Variants in SEMA6D observed in about 807,000 individuals in gnomAD.
SEMA6D encodes the protein semaphorin-6D.
SEMA6D carries 35 observed loss-of-function variants against 106.6 expected under a neutral mutation model. That is an observed-to-expected ratio of 0.33 (90% confidence interval 0.25 to 0.44). The LOEUF (loss-of-function observed/expected upper bound fraction) is 0.44, where lower values mean the gene tolerates loss of function less well. Among genes scored for constraint, SEMA6D ranks in the 20% least tolerant of loss-of-function variants. The probability of loss-of-function intolerance (pLI) is 1.00; values close to 1 mark genes in which losing one functional copy is unlikely to be tolerated. For synonymous variants in SEMA6D, 499 were observed against 487.7 expected (o/e 1.02, Z -0.31); for missense variants, 1,185 against 1,345.9 (o/e 0.88, Z 1.87).
At chr15:47,678,195 C>G (rs914704789) in intron 4 of SEMA6D, among the ~76,000 whole-genome samples, 2 of 152,108 alleles carry the variant, frequency 1.3e-5, no homozygotes, top group Non-Finnish European at 2.9e-5. Context: ...TGCAGTGACT[C>G]TGGGCAGAAG....
chr15:47,734,580 A>T (rs1567044100), intron 1 of SEMA6D, among the ~76,000 whole-genome samples: 1 of 152,136 alleles, frequency 6.6e-6, no homozygotes, highest in African/African-American at 2.4e-5. Flanking sequence ...GAGCCACAGA[A>T]TTTGCGTCTT....
At chr15:47,562,989 C>G (rs1209239791) in intron 3 of SEMA6D, among the ~76,000 whole-genome samples, 1 of 152,128 alleles carries the variant, frequency 6.6e-6, no homozygotes, top group Non-Finnish European at 1.5e-5. Context: ...CAATGGATTA[C>G]ATTCAACAGC....
intron 1 of SEMA6D, among the ~76,000 whole-genome samples, chr15:47,379,058 G>A (rs551034642): frequency 1.2e-4 from 18 of 152,294 alleles, no homozygotes; most frequent in African/African-American, 3.4e-4. Flanking sequence ...TATAACTGCC[G>A]TAACCTGGAA....
chr15:47,359,160 G>A (rs1294050293), intron 1 of SEMA6D, among the ~76,000 whole-genome samples: 2 of 151,968 alleles, frequency 1.3e-5, no homozygotes, highest in Non-Finnish European at 2.9e-5. Flanking sequence ...GTCACTGTGT[G>A]TGTATATATT....
chr15:47,242,466 G>A (rs1333768814), intron 1 of SEMA6D, among the ~76,000 whole-genome samples: 5 of 152,060 alleles, frequency 3.3e-5, no homozygotes, highest in Non-Finnish European at 5.9e-5. Context: ...ATAATACTTT[G>A]TAGACCTGGG....
At chr15:47,689,258 A>T (rs1413949250) in intron 4 of SEMA6D, among the ~76,000 whole-genome samples, 2 of 152,346 alleles carry the variant, frequency 1.3e-5, no homozygotes, top group South Asian at 4.1e-4. Flanking sequence ...TCATTTTTAT[A>T]TGGATAACTG....
chr15:47,445,206 G>T (rs1279836210), intron 2 of SEMA6D, among the ~76,000 whole-genome samples: 1 of 152,156 alleles, frequency 6.6e-6, no homozygotes, highest in South Asian at 2.1e-4. Context: ...ACAGAAGAGG[G>T]GGGTGTGGTG....
intron 3 of SEMA6D, among the ~76,000 whole-genome samples, chr15:47,536,989 A>G (rs1182014851): frequency 6.6e-6 from 1 of 152,218 alleles, no homozygotes; most frequent in East Asian, 1.9e-4. Flanking sequence ...CATCAGTGTG[A>G]TGCATCTATA....
At chr15:47,241,607 C>G (rs914376156) in intron 1 of SEMA6D, among the ~76,000 whole-genome samples, 1 of 151,524 alleles carries the variant, frequency 6.6e-6, no homozygotes, top group Admixed American at 6.6e-5. Flanking sequence ...CATACATGAC[C>G]CAGAGTGGAG....
At chr15:47,689,346 G>A (rs537843980) in intron 4 of SEMA6D, among the ~76,000 whole-genome samples, 16 of 152,318 alleles carry the variant, frequency 1.1e-4, no homozygotes, top group African/African-American at 3.6e-4. Flanking sequence ...GTCTTGGACA[G>A]CATGTAACTG....
intron 1 of SEMA6D, among the ~76,000 whole-genome samples, chr15:47,756,371 A>G (rs959625706): frequency 2.0e-5 from 3 of 152,166 alleles, no homozygotes; most frequent in Non-Finnish European, 1.5e-5. Context: ...GACAAGACGT[A>G]ACCAGAATAG....
chr15:47,768,873 C>G (rs2082488403), intron 18 of SEMA6D, 125 bp downstream of exon 18: 2 of 772,912 alleles, frequency 2.6e-6, no homozygotes, highest in Non-Finnish European at 4.0e-6. Context: ...CTCCACCGCC[C>G]CTTGCCACAG....
At chr15:47,525,643 A>G (rs2304413) in intron 3 of SEMA6D, among the ~76,000 whole-genome samples, 17,131 of 152,182 alleles carry the variant, frequency 0.11, 1,353 homozygotes, top group East Asian at 0.32. Flanking sequence ...TATAATTGCT[A>G]TCGACTACTC....
chr15:47,252,620 T>C (rs2141955418), intron 1 of SEMA6D, among the ~76,000 whole-genome samples: 1 of 152,348 alleles, frequency 6.6e-6, no homozygotes, highest in African/African-American at 2.4e-5. Flanking sequence ...CTTTCCTAGA[T>C]TCCATATGTA....
intron 1 of SEMA6D, among the ~76,000 whole-genome samples, chr15:47,335,456 C>T (rs2037514998): frequency 6.6e-6 from 1 of 151,984 alleles, no homozygotes; most frequent in African/African-American, 2.4e-5. Context: ...CCCAACTCTC[C>T]CTATAAATGC....
chr15:47,309,751 C>G (rs145912752), intron 1 of SEMA6D, among the ~76,000 whole-genome samples: 1 of 152,088 alleles, frequency 6.6e-6, no homozygotes, highest in Non-Finnish European at 1.5e-5. Context: ...TAGCCTACAG[C>G]GGGCAAACTC....
intron 3 of SEMA6D, among the ~76,000 whole-genome samples, chr15:47,557,579 A>G (rs1445110978): frequency 1.3e-5 from 2 of 152,158 alleles, no homozygotes; most frequent in Admixed American, 6.6e-5. Context: ...TTTATAATAG[A>G]TGAACCAAGG....
intron 1 of SEMA6D, among the ~76,000 whole-genome samples, chr15:47,285,481 A>G (rs900530502): frequency 2.6e-5 from 4 of 151,560 alleles, no homozygotes; most frequent in African/African-American, 9.7e-5. Flanking sequence ...AGATGTTTGA[A>G]AAAAAAAAGG....
At chr15:47,459,118 T>C (rs1419340009) in intron 2 of SEMA6D, among the ~76,000 whole-genome samples, 1 of 152,074 alleles carries the variant, frequency 6.6e-6, no homozygotes, top group Non-Finnish European at 1.5e-5. Context: ...CATCATTATG[T>C]TGCATTATGT....
Sources: allele counts gnomAD v4.1 joint callset (sites outside exome capture counted in the v4.1 genomes callset), GRCh38; gene constraint gnomAD v4.1.1; transcripts MANE v1.5; gene names NCBI Gene and HGNC (gene_info 2026-07-23, HGNC 2026-07-21).